The following MCTP1 variants were observed in gnomAD, a reference collection of about 807,000 sequenced individuals.
MCTP1 encodes multiple C2 and transmembrane domain containing 1.
MCTP1 carries 69 observed loss-of-function variants against 120.6 expected under a neutral mutation model. The ratio of observed to expected loss-of-function variants is 0.57; its 90% CI spans 0.47 to 0.70. The LOEUF (loss-of-function observed/expected upper bound fraction) is 0.70. Ranked by LOEUF, MCTP1 falls within the 30% of genes least tolerant of loss-of-function variation. MCTP1 has a pLI of 0.00. For synonymous variants in MCTP1, 529 were observed against 493.1 expected (o/e 1.07, Z -0.96); for missense variants, 1,203 against 1,248.8 (o/e 0.96, Z 0.55).
At chr5:94,895,999 C>G (rs1286006142) in intron 10 of MCTP1, among the ~76,000 whole-genome samples, 2 of 152,130 alleles carry the variant, frequency 1.3e-5, no homozygotes, top group African/African-American at 4.8e-5. Context: ...ACAGTCTGTA[C>G]AAGTCTGGAA....
At chr5:94,982,676 G>A (rs1829657933) in intron 2 of MCTP1, among the ~76,000 whole-genome samples, 2 of 151,924 alleles carry the variant, frequency 1.3e-5, no homozygotes, top group South Asian at 4.2e-4. Context: ...ATCACCTGAA[G>A]TCAGGAGTTC....
intron 1 of MCTP1, among the ~76,000 whole-genome samples, chr5:95,054,424 G>A (rs1371713791): frequency 2.0e-5 from 3 of 152,188 alleles, no homozygotes; most frequent in Non-Finnish European, 2.9e-5. Context: ...CATTGTATTA[G>A]GACCTGCAGA....
intron 18 of MCTP1, chr5:94,789,065 T>C (rs1778348633): frequency 6.6e-6 from 1 of 152,220 alleles, no homozygotes; most frequent in Admixed American, 6.5e-5. Flanking sequence ...GGAGCACTAA[T>C]TTCAGATTTC....
At chr5:95,113,658 T>C (rs933482449) in intron 1 of MCTP1, among the ~76,000 whole-genome samples, 1 of 152,180 alleles carries the variant, frequency 6.6e-6, no homozygotes, top group African/African-American at 2.4e-5. Flanking sequence ...AGCCTTATCA[T>C]CGCAGGCTAA....
At chr5:94,838,296 TCA>T (rs1429268578) in intron 17 of MCTP1, among the ~76,000 whole-genome samples, 1 of 152,236 alleles carries the variant, frequency 6.6e-6, no homozygotes, top group African/African-American at 2.4e-5. Flanking sequence ...AAAAGGACAG[TCA>T]TTTAGCTGCT....
At chr5:94,839,388 G>A (rs1790512561) in intron 17 of MCTP1, among the ~76,000 whole-genome samples, 1 of 152,044 alleles carries the variant, frequency 6.6e-6, no homozygotes, top group African/African-American at 2.4e-5. Flanking sequence ...CCAATATGTA[G>A]TATTTTCCCT....
intron 1 of MCTP1, among the ~76,000 whole-genome samples, chr5:95,177,452 AAT>A (rs1748131187): frequency 6.6e-6 from 1 of 152,244 alleles, no homozygotes; most frequent in Non-Finnish European, 1.5e-5. Context: ...GTAGAAAGCA[AAT>A]ATTCACATTT....
chr5:95,284,046 TC>T lies in MCTP1; in HGVS notation c.529del (p.Asp177ThrfsTer66). ...SSSPQPPPRG[D>X]RARDEGARRQ... ...CCGTGCACCCTCATCTCGGGCGCGG[TC>T]CCCCCTCGGGGGAGGCTGGGGCGAG... On this transcript the variant is annotated frameshift_variant, in exon 1 of 23. Transcript: ENST00000515393. LOFTEE classifies it high-confidence loss of function. This position sits in a 1 kb window ranked among gnomAD's most constrained non-coding sequence, Gnocchi z 5.2. The T allele has an allele frequency of 6.6e-7, 1 of 1,521,844 alleles. No homozygotes were observed. The highest frequency in any genetic ancestry group is 8.8e-7 in the Non-Finnish European group (1 of 1,136,490). The allele number at this position is 1,521,844 out of a possible 1,614,324, so 94.3% of individuals were successfully genotyped here.
chr5:94,806,321 C>CA lies in MCTP1; in HGVS notation c.2437-7190dup, dbSNP rs199953087. Among the ~76,000 whole-genome samples, 954 of 151,512 alleles carry CA rather than the reference C, an allele frequency of 6.3e-3. 8 individuals are homozygous for CA. Among genetic ancestry groups the CA allele is most frequent in the African/African-American group, 0.022 (888 of 41,264 alleles). On this transcript the variant is annotated intron_variant, in intron 17 of 22. Transcript: ENST00000515393. ...CTTTTTCAAATAAAGATTAAACAAA[C>CA]AAACAAAAATCTGTTCTGCTGAGAA...
intron 19 of MCTP1, among the ~76,000 whole-genome samples, chr5:94,752,623 TG>T (rs750931381): frequency 1.8e-4 from 27 of 152,182 alleles, no homozygotes; most frequent in South Asian, 6.2e-4. Context: ...AAAACTAGGA[TG>T]TTTTTTTAAA....
At chr5:95,056,739 C>A (rs1002675998) in intron 1 of MCTP1, among the ~76,000 whole-genome samples, 1 of 152,066 alleles carries the variant, frequency 6.6e-6, no homozygotes, top group Non-Finnish European at 1.5e-5. Context: ...CCTGCTTTGA[C>A]GGTAATAATT....
intron 1 of MCTP1, among the ~76,000 whole-genome samples, chr5:95,225,730 G>A (rs909145694): frequency 4.6e-5 from 7 of 151,896 alleles, no homozygotes; most frequent in African/African-American, 1.2e-4. Flanking sequence ...TTCTTGCTCC[G>A]TTCTGGGTTT....
chr5:94,861,105 T>C (rs1795696057), intron 17 of MCTP1, among the ~76,000 whole-genome samples: 2 of 151,828 alleles, frequency 1.3e-5, no homozygotes, highest in Non-Finnish European at 1.5e-5. Context: ...TACTCTGTTA[T>C]TGATCTCTCA....
At chr5:94,869,484 CT>C (rs1245686292) in intron 16 of MCTP1, among the ~76,000 whole-genome samples, 1 of 151,986 alleles carries the variant, frequency 6.6e-6, no homozygotes, top group African/African-American at 2.4e-5. Context: ...TTAAGAACTA[CT>C]TTTATTACTT....
At chr5:95,226,193 C>T (rs2152629897) in intron 1 of MCTP1, among the ~76,000 whole-genome samples, 1 of 152,202 alleles carries the variant, frequency 6.6e-6, no homozygotes, top group South Asian at 2.1e-4. Flanking sequence ...CTTTACCCCA[C>T]CTCTCTGACC....
At position 94,912,892 on chromosome 5, in the gene MCTP1, C is replaced by T; in HGVS notation, c.1435G>A (p.Gly479Arg). The change falls in exon 9 of 23, where the codon GGG (glycine) becomes AGG (arginine). Residue 479 changes from glycine (G) to arginine (R), a missense_variant. By Grantham distance (125) the Gly-to-Arg change is moderately radical. This residue lies in a region of MCTP1 where 740 missense variants were observed against 871.1 expected (regional missense o/e 0.85). Transcript: ENST00000515393. ...GAATCCATGGCCTTGAGGTCTCTCC[C>T]TTCAATCAAGGTGATGCTGACTATT... Reference protein sequence around the residue: ...RGIVSITLIEGRDLKAMDSNG... With the variant: ...RGIVSITLIERRDLKAMDSNG... 1 of 1,601,306 alleles carries T rather than the reference C, an allele frequency of 6.2e-7. No homozygotes were observed. Among genetic ancestry groups the T allele is most frequent in the Middle Eastern group, 1.7e-4 (1 of 6,034 alleles).
intron 1 of MCTP1, among the ~76,000 whole-genome samples, chr5:95,167,688 T>C (rs1462395556): frequency 6.6e-6 from 1 of 152,394 alleles, no homozygotes; most frequent in Middle Eastern, 3.4e-3. Flanking sequence ...CATGTGTCTT[T>C]TGGCTACATA....
At chr5:94,882,762 C>T (rs1391359553) in intron 12 of MCTP1, among the ~76,000 whole-genome samples, 1 of 152,136 alleles carries the variant, frequency 6.6e-6, no homozygotes, top group Non-Finnish European at 1.5e-5. Context: ...ACCACTTTCT[C>T]AGCCCATAGT....
At chr5:95,282,431 A>G (rs1760398392) in intron 1 of MCTP1, among the ~76,000 whole-genome samples, 1 of 152,228 alleles carries the variant, frequency 6.6e-6, no homozygotes, top group Admixed American at 6.5e-5. Flanking sequence ...AAAAAAATGT[A>G]AAGTTCCCCA....
Sources: allele counts gnomAD v4.1 joint callset (sites outside exome capture counted in the v4.1 genomes callset), GRCh38; gene constraint gnomAD v4.1.1; regional missense constraint gnomAD v4.1.1; non-coding constraint Gnocchi (gnomAD v3.1); transcripts MANE v1.5; gene names NCBI Gene and HGNC (gene_info 2026-07-23, HGNC 2026-07-21).